Variants in CNTN5 observed in about 807,000 individuals in gnomAD.
The protein encoded by CNTN5 is contactin 5, also known as contactin-5.
Under a neutral mutation model 129.1 loss-of-function variants are expected in CNTN5, and 77 were observed. The ratio of observed to expected loss-of-function variants is 0.60; its 90% CI spans 0.50 to 0.72. The LOEUF (loss-of-function observed/expected upper bound fraction) is 0.72. CNTN5 is among the 30% of genes least tolerant of loss of function. The pLI is 0.00. For missense variants in CNTN5, 1,478 were observed against 1,328.8 expected, an observed-to-expected ratio of 1.11 and a Z score of -1.75; for synonymous variants, 509 against 465.6, an observed-to-expected ratio of 1.09 and a Z score of -1.20.
chr11:99,539,134 C>G (rs1026691954), intron 2 of CNTN5, among the ~76,000 whole-genome samples: 1 of 151,954 alleles, frequency 6.6e-6, no homozygotes, highest in African/African-American at 2.4e-5. Context: ...CAGATTTAGT[C>G]TAAATGATCA....
chr11:99,295,401 T>A (rs560797751), intron 1 of CNTN5, among the ~76,000 whole-genome samples: 95 of 152,224 alleles, frequency 6.2e-4, no homozygotes, highest in Non-Finnish European at 1.1e-3. Flanking sequence ...GAATTTAAAG[T>A]CTGTTGTGTA....
chr11:99,451,529 C>T (rs1178410007), intron 2 of CNTN5, among the ~76,000 whole-genome samples: 2 of 152,068 alleles, frequency 1.3e-5, no homozygotes, highest in South Asian at 2.1e-4. Flanking sequence ...GTAGTATTCA[C>T]TACAAATGAG....
rs114808904 is a variant in CNTN5 at position 99,771,261 on chromosome 11, T to C, written c.56-48283T>C. On this transcript the variant is annotated intron_variant, in intron 3 of 24. Coordinates refer to ENST00000524871, the MANE Select transcript of CNTN5 (RefSeq NM_014361.4). ...AGAAAAAGTCAGTATGCTGAAGACA[T>C]AGCTATACTACTGTGTTCATTGCAG... 9.2e-4 allele frequency among the ~76,000 whole-genome samples: 140 copies of C among 152,162 alleles called. 1 individual carries two copies. The highest frequency in any genetic ancestry group is 3.2e-3 in the African/African-American group (135 of 41,572).
intron 2 of CNTN5, among the ~76,000 whole-genome samples, chr11:99,439,078 C>T (rs1943711550): frequency 6.6e-6 from 1 of 152,032 alleles, no homozygotes; most frequent in South Asian, 2.1e-4. Context: ...GATAGAGTGA[C>T]CTAAATGATG....
intron 16 of CNTN5, among the ~76,000 whole-genome samples, chr11:100,226,278 A>C (rs1369074578): frequency 6.6e-6 from 1 of 152,118 alleles, no homozygotes; most frequent in Non-Finnish European, 1.5e-5. Context: ...GATTATGTAT[A>C]TTTATTGTCT....
At chr11:99,998,031 A>G (rs1451533649) in intron 8 of CNTN5, among the ~76,000 whole-genome samples, 1 of 152,176 alleles carries the variant, frequency 6.6e-6, no homozygotes, top group Non-Finnish European at 1.5e-5. Context: ...ATCTATGACA[A>G]ACCCACAGCC....
chr11:99,765,755 T>G (rs186419188), intron 3 of CNTN5, among the ~76,000 whole-genome samples: 14 of 151,736 alleles, frequency 9.2e-5, no homozygotes, highest in African/African-American at 3.1e-4. Flanking sequence ...TGGTGAGATA[T>G]GAGTCCTAGA....
At chr11:99,660,480 A>T (rs911621471) in intron 3 of CNTN5, among the ~76,000 whole-genome samples, 53 of 152,234 alleles carry the variant, frequency 3.5e-4, no homozygotes, top group African/African-American at 1.2e-3. Context: ...GTGCAGTTTT[A>T]TTATATGCCA....
chr11:99,195,904 T>G (rs7930677), intron 1 of CNTN5, among the ~76,000 whole-genome samples: 1 of 151,992 alleles, frequency 6.6e-6, no homozygotes, highest in Non-Finnish European at 1.5e-5. Context: ...AATACTTTAT[T>G]CTGTCTACAG....
chr11:100,288,806 T>C (rs112640554), intron 18 of CNTN5, among the ~76,000 whole-genome samples: 12 of 151,558 alleles, frequency 7.9e-5, no homozygotes, highest in African/African-American at 2.2e-4. Context: ...TTCCAAAAAT[T>C]AATGAATCCA....
intron 3 of CNTN5, among the ~76,000 whole-genome samples, chr11:99,569,120 T>C (rs1402261576): frequency 6.6e-6 from 1 of 152,126 alleles, no homozygotes; most frequent in Admixed American, 6.5e-5. Flanking sequence ...TGAAAATTTT[T>C]TATTTTTCAG....
At chr11:99,924,235 T>C (rs1004585563) in intron 7 of CNTN5, among the ~76,000 whole-genome samples, 1 of 152,228 alleles carries the variant, frequency 6.6e-6, no homozygotes, top group Admixed American at 6.5e-5. Flanking sequence ...TGTTTTCTTT[T>C]GAGAAGTGTC....
chr11:99,787,897 C>T (rs1354381624), intron 3 of CNTN5, among the ~76,000 whole-genome samples: 3 of 151,930 alleles, frequency 2.0e-5, no homozygotes, highest in Non-Finnish European at 4.4e-5. Context: ...ATATACGGAT[C>T]TGATTCCAAT....
At chr11:99,569,099 A>G (rs1380940497) in intron 3 of CNTN5, among the ~76,000 whole-genome samples, 3 of 152,112 alleles carry the variant, frequency 2.0e-5, no homozygotes, top group African/African-American at 7.2e-5. Flanking sequence ...ATGGATAAAC[A>G]TGGTTTGAAG....
chr11:99,471,844 C>T (rs1368228465), intron 2 of CNTN5, among the ~76,000 whole-genome samples: 1 of 151,986 alleles, frequency 6.6e-6, no homozygotes, highest in Non-Finnish European at 1.5e-5. Flanking sequence ...TTATAATGTC[C>T]AATCACTCAG....
At chr11:99,429,845 G>A (rs530388675) in intron 2 of CNTN5, among the ~76,000 whole-genome samples, 44 of 151,648 alleles carry the variant, frequency 2.9e-4, no homozygotes, top group Non-Finnish European at 4.7e-4. Context: ...AGTAGCCCCC[G>A]CCCCCATAGT....
At chr11:99,795,116 ATTC>A (rs1229781934) in intron 3 of CNTN5, among the ~76,000 whole-genome samples, 8 of 151,782 alleles carry the variant, frequency 5.3e-5, no homozygotes, top group Admixed American at 1.3e-4. Flanking sequence ...GGTATTGTTC[ATTC>A]TTCTTCATTC....
At chr11:99,567,006 TTTTCC>T (rs1949026679) in intron 3 of CNTN5, among the ~76,000 whole-genome samples, 2 of 152,212 alleles carry the variant, frequency 1.3e-5, no homozygotes, top group African/African-American at 4.8e-5. Context: ...TATTTATATC[TTTTCC>T]TTGACTAAAT....
chr11:100,084,794 G>A (rs1169370446), intron 13 of CNTN5, among the ~76,000 whole-genome samples: 1 of 152,066 alleles, frequency 6.6e-6, no homozygotes. Flanking sequence ...ATACCAATAT[G>A]ATTTTGTTCC....
Sources: allele counts gnomAD v4.1 joint callset (sites outside exome capture counted in the v4.1 genomes callset), GRCh38; gene constraint gnomAD v4.1.1; transcripts MANE v1.5; gene names NCBI Gene and HGNC (gene_info 2026-07-23, HGNC 2026-07-21).